The following KRT80 variants were observed in gnomAD, a reference collection of about 807,000 sequenced individuals.
The protein encoded by KRT80 is keratin 80.
KRT80 carries 36 observed loss-of-function variants against 51.5 expected under a neutral mutation model. The ratio of observed to expected loss-of-function variants is 0.70; its 90% CI spans 0.54 to 0.92. The LOEUF (loss-of-function observed/expected upper bound fraction) is 0.92, where lower values mean the gene tolerates loss of function less well. Ranked by LOEUF, KRT80 falls within the 40% of genes least tolerant of loss-of-function variation. KRT80 has a pLI of 0.00. For synonymous variants in KRT80, 235 were observed against 248.3 expected (o/e 0.95, Z 0.50); for missense variants, 566 against 591.7 (o/e 0.96, Z 0.45).
chr12:52,173,064 A>G lies in KRT80; in HGVS notation c.931T>C (p.Ser311Pro). ...TGGCTCTTGACAGAGAGGATCTGGG[A>G]CCGCAGCTTCTGGATGCGCACATTG... ...DLNVRIQKLR[S>P]QILSVKSHCL... Residue 311 changes from serine (S) to proline (P), a missense_variant, in exon 6 of 9, where the codon TCC becomes CCC. By Grantham distance (74) the Ser-to-Pro change is moderately conservative (BLOSUM62 -1). Transcript: ENST00000394815. 1 of 1,612,462 alleles carries G rather than the reference A, an allele frequency of 6.2e-7. No individual in the cohort carries two copies. Among genetic ancestry groups the G allele is most frequent in the South Asian group, 1.1e-5 (1 of 90,944 alleles).
chr12:52,180,642 G>A, intron 3 of KRT80, 34 bp from the exon 4 acceptor site: 1 of 1,538,166 alleles, frequency 6.5e-7, no homozygotes. Flanking sequence ...TGGTGGGAGA[G>A]GGAATGGAGG....
intron 1 of KRT80, among the ~76,000 whole-genome samples, chr12:52,189,748 A>G (rs1422979121): frequency 1.3e-5 from 2 of 152,218 alleles, no homozygotes; most frequent in African/African-American, 2.4e-5. Flanking sequence ...CCCACCCTGA[A>G]GGGCACCCCA....
intron 1 of KRT80, among the ~76,000 whole-genome samples, 161 bp downstream of exon 1, chr12:52,191,442 A>G (rs1327491119): frequency 6.6e-6 from 1 of 152,088 alleles, no homozygotes; most frequent in Non-Finnish European, 1.5e-5. Context: ...TCCCTCCCCC[A>G]GCCTCTGCTC....
At chr12:52,180,861 G>T in intron 3 of KRT80, 42 bp downstream of exon 3, 1 of 1,610,860 alleles carries the variant, frequency 6.2e-7, no homozygotes, top group Non-Finnish European at 8.5e-7. Context: ...AGGGCCCAGG[G>T]CCCATGAGGA....
chr12:52,171,701 G>A lies in KRT80; in HGVS notation c.1191C>T (p.Pro397=). ...GCACAGCGCTGACCACAGTGGCTGAGGGCGAGTCCATCCTGGGGGTGGGGG... is the reference window on the plus strand; with the variant it reads ...GCACAGCGCTGACCACAGTGGCTGAAGGCGAGTCCATCCTGGGGGTGGGGG... The part of the protein sequence containing the change: ...VEGEEGRMDS[P]SATVVSAVQS... Residue 397 remains proline, a synonymous_variant, in exon 8 of 9, where the codon CCC becomes CCT. Transcript: ENST00000394815. 2 of 1,561,954 alleles carry A rather than the reference G, an allele frequency of 1.3e-6. No homozygotes were observed. The highest frequency in any genetic ancestry group is 1.2e-5 in the South Asian group (1 of 84,832).
In KRT80 at chr12:52,173,770, C is replaced by T. The variant is rs377741250; in HGVS notation, c.667-6G>A. On this transcript the variant is annotated splice_region_variant and splice_polypyrimidine_tract_variant and intron_variant, in intron 4 of 8. Transcript: ENST00000394815. The stretch of plus-strand genomic sequence containing the variant: ...GCTGCCAGGTCCTTCAGCTCCTGAC[C>T]GGGCACAGATGTGGGGGCTCAGGGC... 17 of 1,608,562 alleles carry T rather than the reference C, an allele frequency of 1.1e-5. No individual in the cohort carries two copies. In the Admixed American group the frequency reaches 1.2e-4, roughly 11 times the overall value.
chr12:52,176,486 T>C lies in KRT80; in HGVS notation c.667-2722A>G, dbSNP rs1251761759. ...CCATCACTTCTTCTTCTTCTTCTTT[T>C]TTTTTTTTTTTTGAGATGGAGTTTC... On this transcript the variant is annotated intron_variant, in intron 4 of 8. Transcript: ENST00000394815. 2.5e-3 allele frequency among the ~76,000 whole-genome samples: 378 copies of C among 150,920 alleles called. 1 individual carries two copies. The highest frequency in any genetic ancestry group is 4.4e-3 in the Admixed American group (67 of 15,164).
chr12:52,190,605 T>C (rs1941465089), intron 1 of KRT80, among the ~76,000 whole-genome samples: 1 of 152,228 alleles, frequency 6.6e-6, no homozygotes, highest in African/African-American at 2.4e-5. Context: ...ACTGGCAGGT[T>C]CAGAAATGTA....
At chr12:52,181,840 G>A (rs1224187894) in intron 2 of KRT80, among the ~76,000 whole-genome samples, 1 of 152,202 alleles carries the variant, frequency 6.6e-6, no homozygotes, top group Non-Finnish European at 1.5e-5. Flanking sequence ...CAGACTTCTC[G>A]CTGGCCCCAG....
chr12:52,173,219 G>C, intron 5 of KRT80, 56 bp from the exon 6 acceptor site: 2 of 1,496,532 alleles, frequency 1.3e-6, no homozygotes, highest in South Asian at 1.3e-5. Flanking sequence ...CCCAGCACTT[G>C]TTACCCGCCT....
At chr12:52,181,877 T>C (rs1941326622) in intron 2 of KRT80, among the ~76,000 whole-genome samples, 1 of 152,196 alleles carries the variant, frequency 6.6e-6, no homozygotes, top group African/African-American at 2.4e-5. Flanking sequence ...GCAGCTTCTG[T>C]TTTTTTCCCT....
chr12:52,181,637 G>A (rs1165932435), intron 2 of KRT80, among the ~76,000 whole-genome samples: 1 of 152,190 alleles, frequency 6.6e-6, no homozygotes, highest in East Asian at 1.9e-4. Flanking sequence ...CCAGCTACAG[G>A]CCGCATAGGC....
Position 52,171,445 on chromosome 12 carries a change from C to G in KRT80, c.1312G>C (p.Glu438Gln). Residue 438 changes from glutamate to glutamine, a missense_variant, in exon 9 of 9, where the codon GAA becomes CAA. By Grantham distance (29) the Glu-to-Gln change is conservative (BLOSUM62 2). Transcript: ENST00000394815. ...GSKGPVIKIT[E>Q]MSEKYFSQES... ...TGCGAGAAGTACTTCTCTGACATTT[C>G]GGTGATTTTGATCACGGGGCCTTTG... 2 of 1,612,576 alleles carry G rather than the reference C, an allele frequency of 1.2e-6. No individual in the cohort carries two copies. The highest frequency in any genetic ancestry group is 1.7e-6 in the Non-Finnish European group (2 of 1,179,282).
intron 1 of KRT80, among the ~76,000 whole-genome samples, chr12:52,186,667 G>A (rs1442030443): frequency 4.6e-5 from 7 of 152,186 alleles, no homozygotes; most frequent in Non-Finnish European, 1.0e-4. Context: ...GCTGGTCACT[G>A]TGGGCCCTGG....
At chr12:52,183,002 A>G (rs1941348619) in intron 2 of KRT80, among the ~76,000 whole-genome samples, 1 of 152,166 alleles carries the variant, frequency 6.6e-6, no homozygotes, top group Admixed American at 6.5e-5. Flanking sequence ...GGTACCCTGC[A>G]TGGCCTGATG....
chr12:52,174,533 G>T (rs1941186484), intron 4 of KRT80, among the ~76,000 whole-genome samples: 1 of 152,254 alleles, frequency 6.6e-6, no homozygotes, highest in Non-Finnish European at 1.5e-5. Flanking sequence ...TTCTGGAAAT[G>T]GTAAAACCCA....
chr12:52,180,909 C>T lies in KRT80; in HGVS notation c.564G>A (p.Leu188=). 1 of 1,586,212 alleles carries T rather than the reference C, an allele frequency of 6.3e-7. No individual in the cohort carries two copies. Among genetic ancestry groups the T allele is most frequent in the Non-Finnish European group, 8.5e-7 (1 of 1,169,892 alleles). Residue 188 remains leucine (L), a synonymous_variant, in exon 3 of 9, where the codon CTG becomes CTA. Coordinates refer to ENST00000394815, the MANE Select transcript of KRT80 (RefSeq NM_182507.3). ...RTDMEFTFVQ[L]KKDLDAECLH... is the part of the protein sequence containing the mutation. ...GGCAGGCTGGGCAGGCTACCTTCTT[C>T]AGCTGAACAAAGGTGAACTCCATGT...
At chr12:52,175,268 C>A (rs1941199183) in intron 4 of KRT80, among the ~76,000 whole-genome samples, 1 of 152,190 alleles carries the variant, frequency 6.6e-6, no homozygotes. Context: ...GTCTGCCTTG[C>A]AGAGTCCCCA....
intron 6 of KRT80, among the ~76,000 whole-genome samples, chr12:52,172,724 C>T (rs1941131592): frequency 6.6e-6 from 1 of 152,184 alleles, no homozygotes. Flanking sequence ...TAGGCCTCTA[C>T]TCCCTCCTCT....
Sources: allele counts gnomAD v4.1 joint callset (sites outside exome capture counted in the v4.1 genomes callset), GRCh38; gene constraint gnomAD v4.1.1; transcripts MANE v1.5; gene names NCBI Gene and HGNC (gene_info 2026-07-23, HGNC 2026-07-21).